The following COX18 variants were observed in gnomAD, a reference collection of about 807,000 sequenced individuals.
COX18 encodes cytochrome c oxidase assembly factor COX18.
In COX18, 45 loss-of-function variants were observed where a neutral mutation model predicts 38.0. The ratio of observed to expected loss-of-function variants is 1.18; its 90% CI spans 0.93 to 1.52. The LOEUF is 1.52. Ranked by LOEUF, COX18 falls within the 40% of genes most tolerant of loss-of-function variation. The pLI is 0.00. For synonymous variants in COX18, 177 were observed against 169.8 expected, an observed-to-expected ratio of 1.04 and a Z score of -0.33; for missense variants, 462 against 423.8, an observed-to-expected ratio of 1.09 and a Z score of -0.79.
intron 2 of COX18, 68 bp downstream of exon 2, chr4:73,067,961 T>A: frequency 2.6e-6 from 1 of 391,754 alleles, no homozygotes; most frequent in Non-Finnish European, 4.2e-6. Context: ...TGTATGTGTG[T>A]GTGTGTGTGT....
At position 73,069,454 on chromosome 4, in the gene COX18, C is replaced by T. The variant is rs777272386; in HGVS notation, c.196G>A (p.Val66Ile). 5 of 1,588,362 alleles carry T rather than the reference C, an allele frequency of 3.1e-6. No individual in the cohort carries two copies. The highest frequency in any genetic ancestry group is 2.3e-5 in the South Asian group (2 of 87,500). The change falls in exon 1 of 6, where the codon GTT (valine) becomes ATT (isoleucine). Residue 66 changes from valine to isoleucine, a missense_variant. Coordinates refer to ENST00000507544, the MANE Select transcript of COX18 (RefSeq NM_001297732.2). ...ACGCCGAGCAGTACTTCCTCCGCAA[C>T]CCGCACCGGCGAAGACGCGGCCAGG... ...EALAASSPVR[V>I]AEEVLLGVHA...
chr4:73,068,850 C>T (rs956101532), intron 1 of COX18, among the ~76,000 whole-genome samples: 92 of 152,180 alleles, frequency 6.0e-4, no homozygotes, highest in African/African-American at 2.1e-3. Context: ...CAGTCTTAGT[C>T]GGGTCTGGAG....
Position 73,069,618 on chromosome 4 carries a change from C to G in COX18, c.32G>C (p.Arg11Pro), listed in dbSNP as rs747076832. The G allele has an allele frequency of 1.3e-6, 2 of 1,551,082 alleles. No individual in the cohort carries two copies. The highest frequency in any genetic ancestry group is 2.7e-5 in the African/African-American group (2 of 73,692). Residue 11 changes from arginine to proline, a missense_variant, in exon 1 of 6, where the codon CGG becomes CCG. Transcript: ENST00000507544. MLCRLGGRWL[R>P]PLPALQLWAR... Reference sequence around the variant, plus strand: ...CCAAAGCTGCAGGGCAGGGAGCGGCCGCAGCCACCGACCGCCGAGCCGGCA... The same window carrying G: ...CCAAAGCTGCAGGGCAGGGAGCGGCGGCAGCCACCGACCGCCGAGCCGGCA...
rs1162998381 is a variant in COX18 at position 73,065,304 on chromosome 4, T to C, written c.544A>G (p.Ile182Val). Residue 182 changes from isoleucine (I) to valine (V), a missense_variant, in exon 3 of 6, where the codon ATC becomes GTC. Physicochemically the swap from Ile to Val is conservative, Grantham distance 29. Transcript: ENST00000507544. Reference sequence around the variant, plus strand: ...TTCCGGAGAGCAAAAGACATGAAGATCCACATTGGAAGCTGAATCCAAACC... The same window carrying C: ...TTCCGGAGAGCAAAAGACATGAAGACCCACATTGGAAGCTGAATCCAAACC... ...VLVWIQLPMW[I>V]FMSFALRNLS... 2.5e-6 allele frequency: 4 copies of C among 1,613,158 alleles called. No individual in the cohort carries two copies. The highest frequency in any genetic ancestry group is 3.4e-6 in the Non-Finnish European group (4 of 1,179,836).
In COX18 at chr4:73,057,891, CA is replaced by C. The variant is rs1381417838; in HGVS notation, c.*222del. ...TTCACCATGTTGGCCAGGCTGGTCT[CA>C]AACTCCAGACCTCAGGTGATCCACC... is the stretch of plus-strand genomic sequence containing the variant. On this transcript the variant is annotated 3_prime_UTR_variant, in exon 6 of 6. Transcript: ENST00000507544. 1.2e-5 allele frequency: 3 copies of C among 249,108 alleles called. No homozygotes were observed. Among genetic ancestry groups the C allele is most frequent in the African/African-American group, 4.5e-5 (2 of 44,162 alleles). 15.4% of individuals were successfully genotyped at this position (249,108 alleles called of 1,614,324 possible). A position where few individuals can be genotyped will look rare whatever the true frequency, so the allele number is the denominator to read the frequency against.
chr4:73,062,344 C>A (rs1720214001), intron 4 of COX18, among the ~76,000 whole-genome samples: 1 of 147,700 alleles, frequency 6.8e-6, no homozygotes, highest in African/African-American at 2.5e-5. Context: ...GGCAATACAG[C>A]AAGATCCTGT....
At position 73,065,997 on chromosome 4, in the gene COX18, T is replaced by C. The variant is rs76352631; in HGVS notation, c.435-584A>G. ...CAGTCTTCCTTCAGGTCCAAGAGAA[T>C]AGGAGTTAAAAAACAAAAACTAAAG... On this transcript the variant is annotated intron_variant, in intron 2 of 5. Coordinates refer to ENST00000507544, the MANE Select transcript of COX18 (RefSeq NM_001297732.2). Among the ~76,000 whole-genome samples, 567 of 152,308 alleles carry C rather than the reference T, an allele frequency of 3.7e-3. 3 individuals are homozygous for C. The highest frequency in any genetic ancestry group is 0.013 in the African/African-American group (536 of 41,556).
In COX18 at chr4:73,054,543, G is replaced by A; in HGVS notation, c.*3571C>T. 1 of 152,158 alleles carries A rather than the reference G, an allele frequency of 6.6e-6. No individual in the cohort carries two copies. 9.4% of individuals were successfully genotyped at this position (152,158 alleles called of 1,614,324 possible). A position where few individuals can be genotyped will look rare whatever the true frequency, so the allele number is the denominator to read the frequency against. On this transcript the variant is annotated 3_prime_UTR_variant, in exon 6 of 6. Transcript: ENST00000507544. ...ATTATTTTGAGATCTTGGAGGAAGG[G>A]CCTTGTATTCTCAAACTTCCTGTAT...
At position 73,069,675 on chromosome 4, in the gene COX18, C is replaced by G. The variant is rs766810450; in HGVS notation, c.-26G>C. On this transcript the variant is annotated 5_prime_UTR_variant, in exon 1 of 6. Transcript: ENST00000507544. ...TTCTGCACCACGGCGGAGCCCAGAT[C>G]CCGGGCCTCACAATCCAGCGGACAT... The G allele has an allele frequency of 5.9e-6, 9 of 1,536,586 alleles. No individual in the cohort carries two copies. The East Asian group carries it at 1.2e-4, about 21-fold the overall frequency.
At chr4:73,062,315 G>A (rs1251993922) in intron 4 of COX18, among the ~76,000 whole-genome samples, 2 of 151,746 alleles carry the variant, frequency 1.3e-5, no homozygotes, top group Non-Finnish European at 2.9e-5. Context: ...CTATAATCAT[G>A]CCACTGCACT....
At chr4:73,059,681 C>T (rs183687081) in intron 5 of COX18, among the ~76,000 whole-genome samples, 99 of 152,250 alleles carry the variant, frequency 6.5e-4, no homozygotes, top group Middle Eastern at 3.4e-3. Flanking sequence ...TTTATCGTCG[C>T]GCTGTTGGGA....
intron 4 of COX18, among the ~76,000 whole-genome samples, chr4:73,063,337 A>C (rs1333772047): frequency 6.6e-6 from 1 of 152,070 alleles, no homozygotes; most frequent in Non-Finnish European, 1.5e-5. Context: ...ACAAACAAAA[A>C]ACACAATGCC....
At chr4:73,068,448 T>C (rs1720581081) in intron 1 of COX18, 1 of 193,680 alleles carries the variant, frequency 5.2e-6, no homozygotes, top group South Asian at 8.2e-5. Context: ...TGGGCTTTAC[T>C]GTTCCATCTC....
At position 73,054,958 on chromosome 4, in the gene COX18, G is replaced by A. The variant is rs1424685076; in HGVS notation, c.*3156C>T. 1 of 152,156 alleles carries A rather than the reference G, an allele frequency of 6.6e-6. No individual in the cohort carries two copies. The highest frequency in any genetic ancestry group is 2.4e-5 in the African/African-American group (1 of 41,434). The allele number at this position is 152,156 out of a possible 1,614,324, so 9.4% of individuals were successfully genotyped here. ...CTGGATGTCAGGGATTGGGGATAAAGACCAAATACATATTTCACAATATCA... is the reference window on the plus strand; with the variant it reads ...CTGGATGTCAGGGATTGGGGATAAAAACCAAATACATATTTCACAATATCA... On this transcript the variant is annotated 3_prime_UTR_variant, in exon 6 of 6. Transcript: ENST00000507544.
chr4:73,064,868 AC>A lies in COX18; in HGVS notation c.632del (p.Gly211ValfsTer28), dbSNP rs745394697. ...TGAGGTCAGGAAACCACAGAATTCC[AC>A]CAGTAGCTAACTGTTCCTGAACAGA... The part of the protein sequence containing the change: ...GFSVQEQLAT[G>X]GILWFPDLTA... On this transcript the variant is annotated frameshift_variant, in exon 4 of 6. Transcript: ENST00000507544. LOFTEE classifies it high-confidence loss of function. The A allele has an allele frequency of 6.2e-7, 1 of 1,613,958 alleles. No individual in the cohort carries two copies. The highest frequency in any genetic ancestry group is 1.1e-5 in the South Asian group (1 of 91,074).
rs563663658 is a variant in COX18, at chr4:73,062,095, G to A, written c.724-175C>T. Among the ~76,000 whole-genome samples, 83 of 151,644 alleles carry A rather than the reference G, an allele frequency of 5.5e-4. 1 individual carries two copies. In the South Asian group the frequency reaches 0.016, roughly 29 times the overall value. Reference sequence around the variant, plus strand: ...ATGGCTGATCATCTTTTTATTTTTTGAGACCTGTCTTGCTATCAAACTGAG... The same window carrying A: ...ATGGCTGATCATCTTTTTATTTTTTAAGACCTGTCTTGCTATCAAACTGAG... On this transcript the variant is annotated intron_variant, in intron 4 of 5. Transcript: ENST00000507544.
chr4:73,059,122 C>T (rs1417822172), intron 5 of COX18, among the ~76,000 whole-genome samples: 1 of 152,120 alleles, frequency 6.6e-6, no homozygotes, highest in African/African-American at 2.4e-5. Flanking sequence ...GTCTGTGGCC[C>T]CGGGTGACCA....
chr4:73,067,864 A>AAAAAAAAATAAATATAT, intron 2 of COX18, among the ~76,000 whole-genome samples, 165 bp downstream of exon 2: 1 of 20,010 alleles, frequency 5.0e-5, no homozygotes, highest in Non-Finnish European at 1.6e-4. Context: ...AAAAAAAAAA[A>AAAAAAAAATAAATATAT]ATATATATAT....
chr4:73,067,967 TG>T, intron 2 of COX18, 61 bp downstream of exon 2: 1 of 898,230 alleles, frequency 1.1e-6, no homozygotes, highest in Non-Finnish European at 1.8e-6. Flanking sequence ...TGTGTGTGTG[TG>T]TGTGTGTGTG....
Sources: gnomAD v4.1 joint callset for allele counts (sites outside exome capture counted in the v4.1 genomes callset) on GRCh38, gnomAD v4.1.1 for gene constraint, MANE v1.5 for transcripts, NCBI Gene and HGNC (gene_info 2026-07-23, HGNC 2026-07-21) for gene names.